NRDC: variants seen among roughly 807,000 people sequenced by gnomAD.
The protein encoded by NRDC is nardilysin convertase, also known as nardilysin.
A neutral mutation model predicts 147.1 loss-of-function variants in NRDC; 54 were observed. That is an observed-to-expected ratio of 0.37 (90% CI 0.29 to 0.46). The LOEUF is 0.46. Ranked by LOEUF, NRDC falls within the 20% of genes least tolerant of loss-of-function variation. NRDC has a pLI of 1.00. For missense variants in NRDC, 1,082 were observed against 1,370.6 expected, an observed-to-expected ratio of 0.79 and a Z score of 3.33; for synonymous variants, 440 against 482.1, an observed-to-expected ratio of 0.91 and a Z score of 1.14.
chr1:51,840,490 C>T lies in NRDC; in HGVS notation c.366G>A (p.Leu122=). The T allele has an allele frequency of 6.2e-7, 1 of 1,605,864 alleles. No individual in the cohort carries two copies. Among genetic ancestry groups the T allele is most frequent in the Non-Finnish European group, 8.5e-7 (1 of 1,177,070 alleles). The change falls in exon 2 of 31, where the codon TTG becomes TTA. Residue 122 remains leucine, a synonymous_variant. Transcript: ENST00000352171. Reference sequence around the variant, plus strand: ...TTAGGTCTGAAATCAGAAGTGCCTGCAAGCCATTCTGTAATTTGATGTATC... The same window carrying T: ...TTAGGTCTGAAATCAGAAGTGCCTGTAAGCCATTCTGTAATTTGATGTATC... The part of the protein sequence containing the change: ...QYRYIKLQNG[L]QALLISDLSN...
In NRDC at chr1:51,810,339, A is replaced by G. The variant is rs1205347338; in HGVS notation, c.1845T>C (p.Ala615=). 1.2e-5 allele frequency: 20 copies of G among 1,612,056 alleles called. No individual in the cohort carries two copies. The South Asian group carries it at 1.8e-4, about 14-fold the overall frequency. ...CCTTGAGGTCACATTTTCCCTCATTAGCACCAGACAGTAAAACAAGATTTG... is the reference window on the plus strand; with the variant it reads ...CCTTGAGGTCACATTTTCCCTCATTGGCACCAGACAGTAAAACAAGATTTG... ...QKANLVLLSG[A]NEGKCDLKEK... The change falls in exon 16 of 31, where the codon GCT becomes GCC. Residue 615 remains alanine, a synonymous_variant. Transcript: ENST00000352171.
intron 2 of NRDC, among the ~76,000 whole-genome samples, chr1:51,836,835 G>A (rs1681001846): frequency 6.6e-6 from 1 of 151,870 alleles, no homozygotes; most frequent in Non-Finnish European, 1.5e-5. Flanking sequence ...AAGATATACA[G>A]CATATATTAC....
intron 1 of NRDC, 182 bp downstream of exon 1, chr1:51,878,093 T>G (rs1683421084): frequency 4.9e-6 from 7 of 1,421,302 alleles, no homozygotes; most frequent in Non-Finnish European, 6.4e-6. Context: ...GATCTCCCAC[T>G]TGCCCAGCTG....
chr1:51,864,188 T>G (rs1200612422), intron 1 of NRDC, among the ~76,000 whole-genome samples: 2 of 152,196 alleles, frequency 1.3e-5, no homozygotes, highest in Non-Finnish European at 2.9e-5. Context: ...CAACATAAAT[T>G]AGGGACCATC....
chr1:51,858,706 A>G (rs1489127223), intron 1 of NRDC, among the ~76,000 whole-genome samples: 3 of 152,134 alleles, frequency 2.0e-5, no homozygotes, highest in East Asian at 1.9e-4. Context: ...CTATTCCTCA[A>G]TGGGCTCCAT....
intron 1 of NRDC, among the ~76,000 whole-genome samples, chr1:51,841,758 A>G (rs1403382073): frequency 1.3e-5 from 2 of 152,258 alleles, no homozygotes; most frequent in Non-Finnish European, 2.9e-5. Context: ...ATGAGCCAGT[A>G]TAATACAGAA....
intron 17 of NRDC, 135 bp from the exon 18 acceptor site, chr1:51,807,048 AATT>A (rs1345629904): frequency 1.1e-6 from 1 of 891,586 alleles, no homozygotes; most frequent in Non-Finnish European, 1.5e-6. Context: ...GAATACATTA[AATT>A]AGTAGACCAA....
intron 1 of NRDC, among the ~76,000 whole-genome samples, chr1:51,843,301 CA>C (rs924528553): frequency 2.3e-5 from 2 of 86,756 alleles, no homozygotes; most frequent in African/African-American, 8.7e-5. Context: ...ACTCCAAAGA[CA>C]AAAAAGGTTA....
At chr1:51,797,164 G>A (rs564041730) in intron 22 of NRDC, among the ~76,000 whole-genome samples, 2 of 152,040 alleles carry the variant, frequency 1.3e-5, no homozygotes, top group South Asian at 4.2e-4. Context: ...TCACGCCACT[G>A]GACTCCAGCC....
intron 1 of NRDC, among the ~76,000 whole-genome samples, chr1:51,857,810 T>C (rs910138484): frequency 1.3e-5 from 2 of 152,160 alleles, no homozygotes; most frequent in African/African-American, 2.4e-5. Flanking sequence ...CTTCAGAAAT[T>C]TGCAGAGATT....
intron 1 of NRDC, among the ~76,000 whole-genome samples, chr1:51,858,471 T>TA (rs79682328): frequency 0.062 from 7,527 of 121,958 alleles, 262 homozygotes; most frequent in South Asian, 0.12. Context: ...ACCCTGTCTT[T>TA]AAAAAAAAAA....
intron 1 of NRDC, among the ~76,000 whole-genome samples, chr1:51,863,404 GA>G (rs961418652): frequency 2.3e-4 from 34 of 146,052 alleles, no homozygotes; most frequent in Middle Eastern, 3.5e-3. Context: ...TCTGTCTCAA[GA>G]AAAAAAAAAA....
chr1:51,825,240 A>ATC, intron 6 of NRDC, 47 bp downstream of exon 6: 1 of 1,207,878 alleles, frequency 8.3e-7, no homozygotes, highest in South Asian at 1.3e-5. Context: ...CTTATTCTAA[A>ATC]TCTTAACTAG....
At chr1:51,869,336 T>C (rs1463402659) in intron 1 of NRDC, among the ~76,000 whole-genome samples, 1 of 152,216 alleles carries the variant, frequency 6.6e-6, no homozygotes, top group Admixed American at 6.5e-5. Flanking sequence ...CTTATCTTCT[T>C]GTAATTACTA....
At chr1:51,803,094 T>C (rs1393442102) in intron 20 of NRDC, among the ~76,000 whole-genome samples, 1 of 152,148 alleles carries the variant, frequency 6.6e-6, no homozygotes, top group African/African-American at 2.4e-5. Context: ...AAGACACACA[T>C]ACTTGAAACA....
intron 7 of NRDC, among the ~76,000 whole-genome samples, chr1:51,822,042 T>TAC (rs1491432208): frequency 6.7e-6 from 1 of 148,404 alleles, no homozygotes; most frequent in Non-Finnish European, 1.5e-5. Context: ...TTTTAGGCTT[T>TAC]ATATATATAT....
At chr1:51,819,905 C>T in intron 8 of NRDC, 32 bp from the exon 9 acceptor site, 1 of 1,526,216 alleles carries the variant, frequency 6.6e-7, no homozygotes, top group Non-Finnish European at 9.0e-7. Context: ...ACAAATTTAA[C>T]TGGCAAAAGC....
intron 17 of NRDC, among the ~76,000 whole-genome samples, chr1:51,807,796 CTTTT>C (rs35756457): frequency 2.4e-5 from 3 of 127,438 alleles, no homozygotes; most frequent in East Asian, 2.1e-4. Context: ...ATAATTAATA[CTTTT>C]TTTTTTTTTT....
intron 1 of NRDC, among the ~76,000 whole-genome samples, chr1:51,850,978 C>A (rs946052744): frequency 6.6e-6 from 1 of 152,146 alleles, no homozygotes; most frequent in Non-Finnish European, 1.5e-5. Flanking sequence ...CACCGGCAAC[C>A]AAAATGGGAC....
Sources: allele counts gnomAD v4.1 joint callset (sites outside exome capture counted in the v4.1 genomes callset), GRCh38; gene constraint gnomAD v4.1.1; transcripts MANE v1.5; gene names NCBI Gene and HGNC (gene_info 2026-07-23, HGNC 2026-07-21).